Variants in HERC4 observed in about 807,000 individuals in gnomAD.
The protein encoded by HERC4 is probable E3 ubiquitin-protein ligase HERC4.
A neutral mutation model predicts 124.3 loss-of-function variants in HERC4; 28 were observed. That is an observed-to-expected ratio of 0.23 (90% confidence interval 0.17 to 0.31). The LOEUF (loss-of-function observed/expected upper bound fraction) is 0.31, where lower values mean the gene tolerates loss of function less well. Among genes scored for constraint, HERC4 ranks in the 10% least tolerant of loss-of-function variants. The pLI, the probability that HERC4 is intolerant of heterozygous loss-of-function variation, is 1.00. For synonymous variants in HERC4, 407 were observed against 421.5 expected (o/e 0.97, Z 0.42); for missense variants, 713 against 1,229.3 (o/e 0.58, Z 6.28).
rs2032696208 is a variant in HERC4, at chr10:67,939,616, A to G, written c.2543T>C (p.Ile848Thr). The G allele has an allele frequency of 6.2e-7, 1 of 1,609,400 alleles. No individual in the cohort carries two copies. Among genetic ancestry groups the G allele is most frequent in the Non-Finnish European group, 8.5e-7 (1 of 1,177,694 alleles). The part of the protein sequence containing the change: ...QQLLDYPEDD[I>T]EETFCLNFTI... ...AAAATTAAGACAAAATGTTTCCTCT[A>G]TGTCATCTTCTGGATAATCCAGTAA... The change falls in exon 21 of 25, where the codon ATA (isoleucine) becomes ACA (threonine). Residue 848 changes from isoleucine (I) to threonine (T), a missense_variant. Coordinates refer to ENST00000373700, the MANE Select transcript of HERC4 (RefSeq NM_015601.4).
chr10:67,927,424 A>AT (rs2031217306), intron 23 of HERC4, among the ~76,000 whole-genome samples: 2 of 7,050 alleles, frequency 2.8e-4, no homozygotes, highest in African/African-American at 7.0e-4. Context: ...ATATATATAT[A>AT]TATATATTTT....
At chr10:67,956,617 G>C in intron 17 of HERC4, 1 of 245,246 alleles carries the variant, frequency 4.1e-6, no homozygotes, top group Non-Finnish European at 7.7e-6. Context: ...TATAAAGATT[G>C]AATATTTCTG....
At chr10:68,021,610 A>T (rs1589347457) in intron 8 of HERC4, among the ~76,000 whole-genome samples, 1 of 152,138 alleles carries the variant, frequency 6.6e-6, no homozygotes, top group Non-Finnish European at 1.5e-5. Context: ...GGAGTTCAAG[A>T]CCAGCCTGAC....
intron 22 of HERC4, among the ~76,000 whole-genome samples, chr10:67,935,348 C>G (rs2032261336): frequency 6.6e-6 from 1 of 151,938 alleles, no homozygotes; most frequent in South Asian, 2.1e-4. Context: ...GGTTTCACTG[C>G]ATTAGCCAGG....
chr10:67,997,069 C>T (rs1464262269), intron 9 of HERC4, among the ~76,000 whole-genome samples: 4 of 152,030 alleles, frequency 2.6e-5, no homozygotes. Context: ...AGCAAAATGT[C>T]ACTTTGTTGC....
intron 9 of HERC4, among the ~76,000 whole-genome samples, chr10:67,999,484 G>A (rs922802573): frequency 2.0e-5 from 3 of 152,200 alleles, no homozygotes; most frequent in African/African-American, 7.2e-5. Flanking sequence ...CAACAGGTAT[G>A]TGAAACAATG....
intron 19 of HERC4, among the ~76,000 whole-genome samples, chr10:67,946,396 C>CACACACACAA (rs920956046): frequency 3.4e-4 from 49 of 142,266 alleles, no homozygotes; most frequent in African/African-American, 1.2e-3. Flanking sequence ...CACACACACA[C>CACACACACAA]AAGACCCAAT....
intron 8 of HERC4, among the ~76,000 whole-genome samples, chr10:68,018,269 GAA>G (rs11298676): frequency 6.7e-6 from 1 of 148,346 alleles, no homozygotes; most frequent in East Asian, 2.0e-4. Flanking sequence ...CAGATTAAAG[GAA>G]AAAAAAATCA....
At chr10:67,958,874 A>C (rs1369243564) in intron 16 of HERC4, among the ~76,000 whole-genome samples, 1 of 152,212 alleles carries the variant, frequency 6.6e-6, no homozygotes, top group Non-Finnish European at 1.5e-5. Flanking sequence ...ATTCTAAAGC[A>C]AATATTGTTG....
chr10:67,999,368 AG>A (rs1564529398), intron 9 of HERC4, among the ~76,000 whole-genome samples: 4 of 152,246 alleles, frequency 2.6e-5, no homozygotes, highest in Admixed American at 2.0e-4. Context: ...CCTATTAACC[AG>A]AGCAGTTTTT....
Position 68,039,071 on chromosome 10 carries a change from G to A in HERC4, c.387-902C>T, listed in dbSNP as rs1201130495. Among the ~76,000 whole-genome samples the A allele has an allele frequency of 2.0e-5, 3 of 151,250 alleles. 1 individual carries two copies. Among genetic ancestry groups the A allele is most frequent in the African/African-American group, 7.3e-5 (3 of 41,054 alleles). On this transcript the variant is annotated intron_variant, in intron 4 of 24. Transcript: ENST00000373700. ...TAATCCCAGCACTTTTGGAGACCAA[G>A]GTAGGCGGATCACTTGAGGTCAGTC...
intron 9 of HERC4, chr10:67,995,293 C>T: frequency 4.4e-6 from 2 of 455,196 alleles, no homozygotes; most frequent in South Asian, 1.6e-5. Flanking sequence ...TGCTCATTCA[C>T]TGTAGGTTGA....
intron 24 of HERC4, 73 bp from the exon 25 acceptor site, chr10:67,923,212 G>A: frequency 8.9e-7 from 1 of 1,126,698 alleles, no homozygotes; most frequent in Non-Finnish European, 1.3e-6. Flanking sequence ...ATTTGGTACA[G>A]TCGCTACAGC....
chr10:68,014,040 C>A lies in HERC4; in HGVS notation c.1055G>T (p.Cys352Phe), dbSNP rs1479131599. 1.9e-6 allele frequency: 3 copies of A among 1,608,040 alleles called. No homozygotes were observed. Among genetic ancestry groups the A allele is most frequent in the African/African-American group, 2.7e-5 (2 of 74,620 alleles). Residue 352 changes from cysteine to phenylalanine, a missense_variant, in exon 9 of 25, where the codon TGT becomes TTT. Coordinates refer to ENST00000373700, the MANE Select transcript of HERC4 (RefSeq NM_015601.4). ...ACAGAACTTACCAATATCTGGTAGA[C>A]ACTGCCCATTATAGGGGTACCAATT... is the stretch of plus-strand genomic sequence containing the variant. ...KGNWYPYNGQ[C>F]LPDIDSEEYF...
chr10:68,061,580 G>T (rs539105694), intron 3 of HERC4, among the ~76,000 whole-genome samples: 1 of 137,024 alleles, frequency 7.3e-6, no homozygotes, highest in African/African-American at 2.7e-5. Context: ...TTCTGTCAGC[G>T]AAAGAATAAG....
intron 3 of HERC4, among the ~76,000 whole-genome samples, chr10:68,051,341 ATTTTTTTT>A (rs34027809): frequency 7.7e-6 from 1 of 129,988 alleles, no homozygotes; most frequent in East Asian, 2.1e-4. Context: ...TGTTAACACT[ATTTTTTTT>A]TTTTTTTTTT....
chr10:67,974,045 CAAAAAAAAAA>C (rs11406155), intron 15 of HERC4, among the ~76,000 whole-genome samples: 3 of 38,476 alleles, frequency 7.8e-5, no homozygotes, highest in African/African-American at 3.2e-4. Flanking sequence ...GACTCTGTCT[CAAAAAAAAAA>C]AAAAAAAAAA....
chr10:68,060,303 T>C (rs1256204179), intron 3 of HERC4, among the ~76,000 whole-genome samples: 2 of 152,108 alleles, frequency 1.3e-5, no homozygotes, highest in African/African-American at 2.4e-5. Context: ...AGTGGCACGA[T>C]CTCAATTCAC....
chr10:67,946,634 C>T (rs560002506), intron 19 of HERC4, among the ~76,000 whole-genome samples: 3 of 152,172 alleles, frequency 2.0e-5, no homozygotes, highest in South Asian at 4.2e-4. Context: ...ATAGGCCAGA[C>T]GCAGTGGCTC....
Sources: gnomAD v4.1 joint callset for allele counts (sites outside exome capture counted in the v4.1 genomes callset) on GRCh38, gnomAD v4.1.1 for gene constraint, MANE v1.5 for transcripts, NCBI Gene and HGNC (gene_info 2026-07-23, HGNC 2026-07-21) for gene names.